The following RPL8 variants were observed in gnomAD, a reference collection of about 807,000 sequenced individuals.
RPL8 encodes the protein large ribosomal subunit protein uL2.
For synonymous variants in RPL8, 182 were observed against 143.2 expected, an observed-to-expected ratio of 1.27 and a Z score of -1.94; for missense variants, 248 against 365.9, an observed-to-expected ratio of 0.68 and a Z score of 2.63.
At chr8:144,790,669 G>A (rs1407360820) in intron 3 of RPL8, 199 bp from the exon 4 acceptor site, 2 of 692,818 alleles carry the variant, frequency 2.9e-6, no homozygotes, top group East Asian at 2.7e-5. Flanking sequence ...GGCAAGCCAA[G>A]GCCCTCACCT....
chr8:144,791,662 C>CA (rs1042199777), intron 2 of RPL8, 111 bp downstream of exon 2: 17 of 1,554,478 alleles, frequency 1.1e-5, no homozygotes, highest in Non-Finnish European at 1.4e-5. Flanking sequence ...CGGATGTCCC[C>CA]ACCTGAAGCT....
intron 4 of RPL8, 51 bp downstream of exon 4, chr8:144,790,304 G>C: frequency 6.8e-7 from 1 of 1,472,478 alleles, no homozygotes; most frequent in Non-Finnish European, 9.5e-7. Context: ...CTACCCAACA[G>C]TGTGGCCACT....
intron 3 of RPL8, 129 bp downstream of exon 3, chr8:144,791,148 T>TA: frequency 1.1e-6 from 1 of 888,830 alleles, no homozygotes. Flanking sequence ...AGCTCAAACT[T>TA]ACAGAACCCA....
intron 4 of RPL8, 85 bp downstream of exon 4, chr8:144,790,270 G>A (rs140714630): frequency 1.1e-5 from 13 of 1,146,442 alleles, no homozygotes; most frequent in South Asian, 9.1e-5. Context: ...CCCTCCTGCA[G>A]GGACACCTGT....
chr8:144,791,647 C>T (rs2954657), intron 2 of RPL8, 126 bp downstream of exon 2: 835,057 of 1,519,972 alleles, frequency 0.55, 236,384 homozygotes, highest in African/African-American at 0.88. Flanking sequence ...ACTGGTCTGG[C>T]CACGCGGATG....
chr8:144,791,517 G>A (rs1225654360), intron 2 of RPL8, 22 bp from the exon 3 acceptor site: 2 of 1,610,458 alleles, frequency 1.2e-6, no homozygotes, highest in South Asian at 1.1e-5. Context: ...AGCAGCATCA[G>A]GCCGTCAGCA....
rs902544936 is a variant in RPL8 at position 144,792,362 on chromosome 8, C to A, written c.-233G>T. Reference sequence around the variant, plus strand: ...CATGCCGCAAGGCCGCAAGGATGACCTACCTGTTCACCAGCGCGGCCGAAA... The same window carrying A: ...CATGCCGCAAGGCCGCAAGGATGACATACCTGTTCACCAGCGCGGCCGAAA... On this transcript the variant is annotated 5_prime_UTR_variant, in exon 1 of 5. In the 5' UTR this introduces an upstream ATG that the reference lacks. Coordinates refer to ENST00000528957, the MANE Select transcript of RPL8 (RefSeq NM_001317782.2). The A allele has an allele frequency of 2.9e-6, 2 of 679,304 alleles. No homozygotes were observed. The highest frequency in any genetic ancestry group is 4.4e-5 in the Admixed American group (1 of 22,762). 42.1% of individuals were successfully genotyped at this position (679,304 alleles called of 1,614,324 possible).
chr8:144,791,566 C>A, intron 2 of RPL8, 71 bp from the exon 3 acceptor site: 1 of 1,540,022 alleles, frequency 6.5e-7, no homozygotes. Flanking sequence ...TCTAGGCAAC[C>A]CGCGAAGTTG....
chr8:144,791,934 G>A lies in RPL8; in HGVS notation c.139-20C>T, dbSNP rs1331291464. 2 of 1,611,160 alleles carry A rather than the reference G, an allele frequency of 1.2e-6. No homozygotes were observed. The highest frequency in any genetic ancestry group is 3.3e-5 in the Admixed American group (2 of 59,926). On this transcript the variant is annotated intron_variant, in intron 1 of 4. Coordinates refer to ENST00000528957, the MANE Select transcript of RPL8 (RefSeq NM_001317782.2). ...GATGTCCTGTGGGCAGAGGCGGCGT[G>A]AGTGCGGCGTTCCGGCCGGGCGTCC...
At position 144,792,367 on chromosome 8, in the gene RPL8, T is replaced by C. The variant is rs936285898; in HGVS notation, c.-238A>G. On this transcript the variant is annotated 5_prime_UTR_variant, in exon 1 of 5. Transcript: ENST00000528957. ...CGCAAGGCCGCAAGGATGACCTACCTGTTCACCAGCGCGGCCGAAAGAGGA... is the reference window on the plus strand; with the variant it reads ...CGCAAGGCCGCAAGGATGACCTACCCGTTCACCAGCGCGGCCGAAAGAGGA... The C allele has an allele frequency of 1.2e-5, 8 of 656,446 alleles. No homozygotes were observed. The highest frequency in any genetic ancestry group is 5.2e-5 in the South Asian group (1 of 19,062). 40.7% of individuals were successfully genotyped at this position (656,446 alleles called of 1,614,324 possible). A position where few individuals can be genotyped will look rare whatever the true frequency, so the allele number is the denominator to read the frequency against.
In RPL8 at chr8:144,791,986, C is replaced by T. The variant is rs1423245225; in HGVS notation, c.138+6G>A. On this transcript the variant is annotated splice_donor_region_variant and intron_variant, in intron 1 of 4. Transcript: ENST00000528957. ...TTCCCCTCCCGCCCCGGCCAGCGTT[C>T]CGCACCTTGACGATGCCCTTGATGT... 1.9e-6 allele frequency: 3 copies of T among 1,608,716 alleles called. No homozygotes were observed. Among genetic ancestry groups the T allele is most frequent in the East Asian group, 4.5e-5 (2 of 44,782 alleles).
At chr8:144,790,026 G>T in intron 4 of RPL8, 64 bp from the exon 5 acceptor site, 1 of 1,506,528 alleles carries the variant, frequency 6.6e-7, no homozygotes, top group Non-Finnish European at 8.9e-7. Flanking sequence ...CGGCCTCGGG[G>T]TCCCACCCGT....
chr8:144,790,735 T>G (rs1444352771), intron 3 of RPL8: 1 of 659,464 alleles, frequency 1.5e-6, no homozygotes, highest in South Asian at 1.5e-5. Context: ...CCCCTCACCA[T>G]GTGTGAGACG....
Position 144,790,315 on chromosome 8 carries a change from G to A in RPL8, c.615+40C>T, listed in dbSNP as rs552821081. ...TTGCCTACCCAACAGTGTGGCCACT[G>A]TAACTTCAATACCCAACCCTGCATT... On this transcript the variant is annotated intron_variant, in intron 4 of 4. Transcript: ENST00000528957. 3.2e-6 allele frequency: 5 copies of A among 1,552,196 alleles called. No homozygotes were observed. The South Asian group carries it at 4.5e-5, about 14-fold the overall frequency.
rs1826511128 is a variant in RPL8 at position 144,791,434 on chromosome 8, G to A, written c.342C>T (p.Cys114=). The change falls in exon 3 of 5, where the codon TGC becomes TGT. Residue 114 remains cysteine, a synonymous_variant. Transcript: ENST00000528957. The stretch of plus-strand genomic sequence containing the variant: ...GGTCTCCAGGCTTCTCCTCCAGGCA[G>A]CACACGATTGTACCCTCAGGCATGG... ...VGTMPEGTIV[C]CLEEKPGDRG... The A allele has an allele frequency of 6.2e-7, 1 of 1,613,996 alleles. No individual in the cohort carries two copies. The highest frequency in any genetic ancestry group is 1.3e-5 in the African/African-American group (1 of 75,046).
chr8:144,792,379 C>T lies in RPL8; in HGVS notation c.-250G>A, dbSNP rs577939194. 36 of 657,368 alleles carry T rather than the reference C, an allele frequency of 5.5e-5. No individual in the cohort carries two copies. The highest frequency in any genetic ancestry group is 6.9e-5 in the Non-Finnish European group (32 of 463,738). The allele number at this position is 657,368 out of a possible 1,614,324, so 40.7% of individuals were successfully genotyped here. ...AGGATGACCTACCTGTTCACCAGCGCGGCCGAAAGAGGAAACACGGCGTCA... is the reference window on the plus strand; with the variant it reads ...AGGATGACCTACCTGTTCACCAGCGTGGCCGAAAGAGGAAACACGGCGTCA... On this transcript the variant is annotated 5_prime_UTR_variant, in exon 1 of 5. Transcript: ENST00000528957.
In RPL8 at chr8:144,792,081, G is replaced by T; in HGVS notation, c.49C>A (p.Arg17Ser). 1 of 1,603,944 alleles carries T rather than the reference G, an allele frequency of 6.2e-7. No homozygotes were observed. ...CCTTTACGGTGCTTCACGTGCGCGCGGAACACAGACCCGGCGCCCTTCCTC... is the reference window on the plus strand; with the variant it reads ...CCTTTACGGTGCTTCACGTGCGCGCTGAACACAGACCCGGCGCCCTTCCTC... ...GQRKGAGSVF[R>S]AHVKHRKGAA... is the part of the protein sequence containing the mutation. The change falls in exon 1 of 5, where the codon CGC (arginine) becomes AGC (serine). Residue 17 changes from arginine to serine, a missense_variant. By Grantham distance (110) the Arg-to-Ser change is moderately radical. Coordinates refer to ENST00000528957, the MANE Select transcript of RPL8 (RefSeq NM_001317782.2).
In RPL8 at chr8:144,791,476, A is replaced by G; in HGVS notation, c.300T>C (p.Asn100=). 2 of 1,613,762 alleles carry G rather than the reference A, an allele frequency of 1.2e-6. No homozygotes were observed. The highest frequency in any genetic ancestry group is 1.7e-6 in the Non-Finnish European group (2 of 1,179,998). Reference sequence around the variant, plus strand: ...CAGGCATGGTGCCCACAGGGAGCACATTGCCAATGTTGAGCTGGGCTGCAA... The same window carrying G: ...CAGGCATGGTGCCCACAGGGAGCACGTTGCCAATGTTGAGCTGGGCTGCAA... ...CGKKAQLNIG[N]VLPVGTMPEG... Residue 100 remains asparagine, a synonymous_variant, in exon 3 of 5, where the codon AAT becomes AAC. Transcript: ENST00000528957.
At position 144,792,337 on chromosome 8, in the gene RPL8, C is replaced by A; in HGVS notation, c.-208G>T. On this transcript the variant is annotated 5_prime_UTR_variant, in exon 1 of 5. The change abolishes an upstream ATG in the 5' untranslated region. Transcript: ENST00000528957. ...GAAGAGGATGGCGGCGGATACTGCC[C>A]ATGCCGCAAGGCCGCAAGGATGACC... The A allele has an allele frequency of 5.1e-6, 4 of 791,056 alleles. No homozygotes were observed. The highest frequency in any genetic ancestry group is 7.1e-6 in the Non-Finnish European group (4 of 565,800). 49.0% of individuals were successfully genotyped at this position (791,056 alleles called of 1,614,324 possible). A position where few individuals can be genotyped will look rare whatever the true frequency, so the allele number is the denominator to read the frequency against.
Sources: allele counts gnomAD v4.1 joint callset, GRCh38; gene constraint gnomAD v4.1.1; transcripts MANE v1.5; gene names NCBI Gene and HGNC (gene_info 2026-07-23, HGNC 2026-07-21).